SLC28A1: variants seen among roughly 807,000 people sequenced by gnomAD.
SLC28A1 encodes solute carrier family 28 member 1, also known as sodium/nucleoside cotransporter 1.
Under a neutral mutation model 74.8 loss-of-function variants are expected in SLC28A1, and 64 were observed. The ratio of observed to expected loss-of-function variants is 0.86; its 90% CI spans 0.70 to 1.05. The LOEUF (loss-of-function observed/expected upper bound fraction) is 1.05. Among genes scored for constraint, SLC28A1 ranks in the 50% least tolerant of loss-of-function variants. The pLI is 0.00. For synonymous variants in SLC28A1, 359 were observed against 335.0 expected, an observed-to-expected ratio of 1.07 and a Z score of -0.78; for missense variants, 828 against 822.8, an observed-to-expected ratio of 1.01 and a Z score of -0.08.
chr15:84,906,555 TCTTTCTTTCTCTTTCTTTCTTCCTTC>T (rs1967208500), intron 8 of SLC28A1, among the ~76,000 whole-genome samples: 2 of 94,254 alleles, frequency 2.1e-5, no homozygotes, highest in Non-Finnish European at 4.4e-5. Context: ...TTTCTTTCTT[TCTTTCTTTCTCTTTCTTTCTTCCTTC>T]CTTCCTTCCT....
intron 5 of SLC28A1, among the ~76,000 whole-genome samples, chr15:84,892,648 A>G (rs1046576411): frequency 1.3e-5 from 2 of 152,176 alleles, no homozygotes; most frequent in African/African-American, 2.4e-5. Flanking sequence ...GCTTTTCAAT[A>G]TCTTTATTAC....
At chr15:84,946,485 G>C (rs575833431), downstream of SLC28A1, among the ~76,000 whole-genome samples, 1 of 152,108 alleles carries the variant, frequency 6.6e-6, no homozygotes, top group African/African-American at 2.4e-5. Context: ...AGGAATCGGA[G>C]TCGCGGACAG....
chr15:84,964,186 G>A, the SLC28A1 span, among the ~76,000 whole-genome samples: 2 of 152,184 alleles, frequency 1.3e-5, no homozygotes, highest in South Asian at 4.1e-4. Flanking sequence ...GGAAGGAAAT[G>A]TGTCCATCTT....
intron 1 of SLC28A1, among the ~76,000 whole-genome samples, chr15:84,885,262 T>C (rs1056125462): frequency 1.4e-5 from 2 of 142,240 alleles, no homozygotes; most frequent in African/African-American, 2.7e-5. Context: ...CCCCCCCTCT[T>C]TTTTTTTTTT....
intron 1 of SLC28A1, among the ~76,000 whole-genome samples, chr15:84,885,692 C>CT (rs1214487689): frequency 6.9e-6 from 1 of 144,640 alleles, no homozygotes; most frequent in Non-Finnish European, 1.5e-5. Flanking sequence ...GCTCGCACCA[C>CT]TGTACTCCAG....
intron 5 of SLC28A1, among the ~76,000 whole-genome samples, chr15:84,892,756 G>A (rs1965500732): frequency 6.6e-6 from 1 of 152,150 alleles, no homozygotes; most frequent in Admixed American, 6.5e-5. Context: ...CCTGAGCTGC[G>A]ACAGTGGCTT....
Position 84,891,411 on chromosome 15 carries a change from A to G in SLC28A1, c.277+877A>G, listed in dbSNP as rs1239924983. 1.1e-4 allele frequency among the ~76,000 whole-genome samples: 17 copies of G among 152,318 alleles called. No homozygotes were observed. In the East Asian group the frequency reaches 2.7e-3, roughly 24 times the overall value. On this transcript the variant is annotated intron_variant, in intron 5 of 18. Transcript: ENST00000394573. ...GGTGTCTTCCACAGAGCTAGAGAAC[A>G]TGCGTGCAGAGGGAGTCTTGGCAGG...
Position 84,886,820 on chromosome 15 carries a change from G to A in SLC28A1, c.-17+33G>A, listed in dbSNP as rs182541767. The A allele has an allele frequency of 7.2e-5, 69 of 952,544 alleles. No homozygotes were observed. In the Admixed American group the frequency reaches 9.8e-4, roughly 14 times the overall value. 59.0% of individuals were successfully genotyped at this position (952,544 alleles called of 1,614,324 possible). ...GAAACAGGGCCCCGCTTCTGTGTGC[G>A]CTGCTGTGCGTCTGTGTGTGAGCCA... On this transcript the variant is annotated intron_variant, in intron 2 of 18. Transcript: ENST00000394573.
In SLC28A1 at chr15:84,888,774, G is replaced by A; in HGVS notation, c.99G>A (p.Glu33=). 6.4e-7 allele frequency: 1 copy of A among 1,552,828 alleles called. No individual in the cohort carries two copies. Among genetic ancestry groups the A allele is most frequent in the Non-Finnish European group, 8.7e-7 (1 of 1,147,732 alleles). Residue 33 remains glutamate, a splice_region_variant and synonymous_variant, in exon 4 of 19, where the codon GAG becomes GAA. Coordinates refer to ENST00000394573, the MANE Select transcript of SLC28A1 (RefSeq NM_004213.5). ...TGACGGCTCCCTGCGGGCTGTAGGA[G>A]GAAGGCCAGCTCCCTAGGAGTGACT... ...NMGADFLESL[E]EGQLPRSDLS...
In SLC28A1 at chr15:84,924,080, C is replaced by A; in HGVS notation, c.1053C>A (p.Gly351=). The A allele has an allele frequency of 6.2e-7, 1 of 1,613,850 alleles. No individual in the cohort carries two copies. Among genetic ancestry groups the A allele is most frequent in the Non-Finnish European group, 8.5e-7 (1 of 1,180,010 alleles). ...VMTGGYATIA[G]SLLGAYISFG... is the part of the protein sequence containing the mutation. The stretch of plus-strand genomic sequence containing the variant: ...CCGGAGGTTACGCCACCATTGCTGG[C>A]AGCCTGCTGGGTGCCTACATCTCCT... The change falls in exon 12 of 19, where the codon GGC becomes GGA. Residue 351 remains glycine (G), a synonymous_variant. Transcript: ENST00000394573.
the SLC28A1 span, among the ~76,000 whole-genome samples, chr15:84,960,865 C>CT: frequency 6.6e-6 from 1 of 152,110 alleles, no homozygotes; most frequent in African/African-American, 2.4e-5. Flanking sequence ...TTTCTTTCCC[C>CT]TTTTTTTAGT....
chr15:84,890,574 C>A, intron 5 of SLC28A1, 40 bp downstream of exon 5: 1 of 1,471,382 alleles, frequency 6.8e-7, no homozygotes, highest in Non-Finnish European at 9.4e-7. Context: ...CACAATGACT[C>A]CTGCCTCAGC....
the SLC28A1 span, among the ~76,000 whole-genome samples, chr15:84,970,945 T>C: frequency 6.6e-6 from 1 of 152,240 alleles, no homozygotes; most frequent in Non-Finnish European, 1.5e-5. Context: ...CTTTGACGTC[T>C]GTTATGCCTC....
At chr15:84,954,262 G>A in the SLC28A1 span, among the ~76,000 whole-genome samples, 1 of 152,270 alleles carries the variant, frequency 6.6e-6, no homozygotes, top group East Asian at 1.9e-4. Flanking sequence ...TGACCAGGGA[G>A]GTAGAAGCTG....
chr15:84,975,412 G>A, the SLC28A1 span: 14 of 448,920 alleles, frequency 3.1e-5, no homozygotes, highest in African/African-American at 1.8e-4. Flanking sequence ...AGAACATCTC[G>A]ACAACATTAG....
chr15:84,911,588 G>C (rs547059463), intron 9 of SLC28A1, among the ~76,000 whole-genome samples: 1 of 151,770 alleles, frequency 6.6e-6, no homozygotes, highest in African/African-American at 2.4e-5. Context: ...TAGGCTGGGC[G>C]TGGTGGCTCA....
rs533367939 is a variant in SLC28A1, at chr15:84,891,595, G to A, written c.277+1061G>A. 9.8e-5 allele frequency among the ~76,000 whole-genome samples: 15 copies of A among 152,328 alleles called. 1 individual carries two copies. The East Asian group carries it at 2.9e-3, about 29-fold the overall frequency. On this transcript the variant is annotated intron_variant, in intron 5 of 18. Transcript: ENST00000394573. ...CAGAAGGGGTTGGCGGCAGCCAAAG[G>A]AGCAAGGGTTTCAAGGAGGGAAAGA...
At chr15:84,952,550 C>T in the SLC28A1 span, among the ~76,000 whole-genome samples, 1 of 152,224 alleles carries the variant, frequency 6.6e-6, no homozygotes, top group Admixed American at 6.5e-5. Flanking sequence ...ACAAAGGACA[C>T]ATTTTTATCC....
intron 10 of SLC28A1, among the ~76,000 whole-genome samples, chr15:84,920,109 G>A (rs1035148871): frequency 6.6e-5 from 10 of 152,182 alleles, no homozygotes; most frequent in African/African-American, 2.2e-4. Flanking sequence ...GGCACCAGCA[G>A]TGGAGAGAAT....
Sources: gnomAD v4.1 joint callset for allele counts (sites outside exome capture counted in the v4.1 genomes callset) on GRCh38, gnomAD v4.1.1 for gene constraint, MANE v1.5 for transcripts, NCBI Gene and HGNC (gene_info 2026-07-23, HGNC 2026-07-21) for gene names.